CNOT6L: variants seen among roughly 807,000 people sequenced by gnomAD.
CNOT6L encodes the protein CCR4-NOT transcription complex subunit 6 like.
A neutral mutation model predicts 64.0 loss-of-function variants in CNOT6L; 7 were observed. That is an observed-to-expected ratio of 0.11 (90% confidence interval 0.06 to 0.21). The LOEUF (loss-of-function observed/expected upper bound fraction) is 0.21, where lower values mean the gene tolerates loss of function less well. CNOT6L is among the 10% of genes least tolerant of loss of function. CNOT6L has a pLI of 1.00. For missense variants in CNOT6L, 245 were observed against 669.0 expected, an observed-to-expected ratio of 0.37 and a Z score of 6.99; for synonymous variants, 193 against 243.4, an observed-to-expected ratio of 0.79 and a Z score of 1.93.
At chr4:77,784,715 C>A (rs1214625643) in intron 1 of CNOT6L, among the ~76,000 whole-genome samples, 1 of 152,060 alleles carries the variant, frequency 6.6e-6, no homozygotes, top group Non-Finnish European at 1.5e-5. Flanking sequence ...GAACTCCTGG[C>A]CCAAGTGATC....
chr4:77,805,504 T>G, intron 1 of CNOT6L, among the ~76,000 whole-genome samples: 1 of 152,208 alleles, frequency 6.6e-6, no homozygotes, highest in East Asian at 1.9e-4. Flanking sequence ...ATAATAGTAT[T>G]AGCAGTACCT....
intron 10 of CNOT6L, among the ~76,000 whole-genome samples, chr4:77,728,420 G>A (rs1441446712): frequency 2.0e-5 from 3 of 152,172 alleles, no homozygotes; most frequent in Non-Finnish European, 4.4e-5. Flanking sequence ...TGAAAGGACA[G>A]AAGCAGAGTG....
chr4:77,807,316 G>C (rs1313872632), intron 1 of CNOT6L, among the ~76,000 whole-genome samples: 1 of 146,810 alleles, frequency 6.8e-6, no homozygotes, highest in Non-Finnish European at 1.5e-5. Context: ...AGGCTACAGG[G>C]AGAGGATCTG....
intron 1 of CNOT6L, among the ~76,000 whole-genome samples, chr4:77,788,410 A>C (rs1729703446): frequency 6.6e-6 from 1 of 152,216 alleles, no homozygotes; most frequent in African/African-American, 2.4e-5. Context: ...ATACCTTTTT[A>C]AATGAGAAAG....
In CNOT6L at chr4:77,767,967, G is replaced by A. The variant is rs111910784; in HGVS notation, c.400+5114C>T. On this transcript the variant is annotated intron_variant, in intron 4 of 11. Coordinates refer to ENST00000504123, the MANE Select transcript of CNOT6L (RefSeq NM_144571.3). ...TGTACTCCAGCATGGGCGACAGAGCGAGACTTTGTCCCCAAAAAAAAAAAA... is the reference window on the plus strand; with the variant it reads ...TGTACTCCAGCATGGGCGACAGAGCAAGACTTTGTCCCCAAAAAAAAAAAA... Among the ~76,000 whole-genome samples, 242 of 130,950 alleles carry A rather than the reference G, an allele frequency of 1.8e-3. 1 individual carries two copies. Among genetic ancestry groups the A allele is most frequent in the African/African-American group, 5.6e-3 (197 of 35,012 alleles). The allele number at this position is 130,950 out of a possible 152,430, so 85.9% of individuals were successfully genotyped here. A position where few individuals can be genotyped will look rare whatever the true frequency, so the allele number is the denominator to read the frequency against.
chr4:77,796,436 T>C (rs971801389), intron 1 of CNOT6L, among the ~76,000 whole-genome samples: 1 of 151,910 alleles, frequency 6.6e-6, no homozygotes, highest in Non-Finnish European at 1.5e-5. Context: ...TAGAGATTGT[T>C]GCTTGAAGGG....
At chr4:77,810,516 T>C (rs1345444501) in intron 1 of CNOT6L, among the ~76,000 whole-genome samples, 5 of 152,200 alleles carry the variant, frequency 3.3e-5, no homozygotes, top group Non-Finnish European at 7.4e-5. Context: ...TTTTAAATTT[T>C]TTAATTGGCA....
chr4:77,718,131 C>CTT lies in CNOT6L; in HGVS notation c.*2298_*2299dup, dbSNP rs1393307297. ...TGGTTCATATACAATCATAAGTGAA[C>CTT]TTTAAATTCCATTTTATACAAACAT... On this transcript the variant is annotated 3_prime_UTR_variant, in exon 12 of 12. Coordinates refer to ENST00000504123, the MANE Select transcript of CNOT6L (RefSeq NM_144571.3). 8 of 152,102 alleles carry CTT rather than the reference C, an allele frequency of 5.3e-5. No individual in the cohort carries two copies. The highest frequency in any genetic ancestry group is 7.3e-5 in the African/African-American group (3 of 41,268). The allele number at this position is 152,102 out of a possible 1,614,324, so 9.4% of individuals were successfully genotyped here.
In CNOT6L at chr4:77,748,329, T is replaced by C; in HGVS notation, c.546A>G (p.Gln182=). ...AAAACTATTTACCTGACGGCAGAAT[T>C]TGGTCTCGTTCTTTTAATGTAATCC... is the stretch of plus-strand genomic sequence containing the variant. ...RPWITLKERD[Q]ILPSASFTVM... The change falls in exon 6 of 12, where the codon CAA becomes CAG. Residue 182 remains glutamine (Q), a synonymous_variant. Transcript: ENST00000504123. 1 of 1,610,034 alleles carries C rather than the reference T, an allele frequency of 6.2e-7. No individual in the cohort carries two copies. The highest frequency in any genetic ancestry group is 1.7e-5 in the Admixed American group (1 of 59,928).
chr4:77,794,409 T>TA (rs776303462), intron 1 of CNOT6L, among the ~76,000 whole-genome samples: 22 of 151,282 alleles, frequency 1.5e-4, no homozygotes, highest in Non-Finnish European at 1.8e-4. Flanking sequence ...TCCAGCAATA[T>TA]AAAAAAAAGA....
At chr4:77,812,952 A>T (rs1248783023) in intron 1 of CNOT6L, among the ~76,000 whole-genome samples, 1 of 152,254 alleles carries the variant, frequency 6.6e-6, no homozygotes, top group Non-Finnish European at 1.5e-5. Context: ...AGACCTCTCA[A>T]TTACAAAGCT....
Position 77,774,680 on chromosome 4 carries a change from A to G in CNOT6L, c.164T>C (p.Leu55Ser). 6.2e-7 allele frequency: 1 copy of G among 1,611,930 alleles called. No homozygotes were observed. The highest frequency in any genetic ancestry group is 8.5e-7 in the Non-Finnish European group (1 of 1,178,998). The change falls in exon 3 of 12, where the codon TTG (leucine) becomes TCG (serine). Residue 55 changes from leucine to serine, a missense_variant. Physicochemically the swap from Leu to Ser is moderately radical, Grantham distance 145. Transcript: ENST00000504123. Reference sequence around the variant, plus strand: ...TAGGTGCAGCGCTGTCAAGTGTGTCAATGACCAAAGTGATGTACTTAGGCT... The same window carrying G: ...TAGGTGCAGCGCTGTCAAGTGTGTCGATGACCAAAGTGATGTACTTAGGCT... ...VRSLSTSLWS[L>S]THLTALHLND...
intron 8 of CNOT6L, among the ~76,000 whole-genome samples, chr4:77,738,472 G>A (rs570148245): frequency 2.6e-4 from 39 of 152,176 alleles, no homozygotes; most frequent in African/African-American, 8.4e-4. Context: ...ATGTATCTAC[G>A]GCCAGGCGCG....
At chr4:77,778,840 C>T (rs770638831) in intron 1 of CNOT6L, among the ~76,000 whole-genome samples, 1 of 151,272 alleles carries the variant, frequency 6.6e-6, no homozygotes, top group East Asian at 2.0e-4. Flanking sequence ...GTCAGGAGAT[C>T]GAGACCATCC....
rs1482173910 is a variant in CNOT6L at position 77,719,160 on chromosome 4, G to GC, written c.*1270dup. On this transcript the variant is annotated 3_prime_UTR_variant, in exon 12 of 12. Transcript: ENST00000504123. ...CCCAGAAAACAGTATTCTGTTCACT[G>GC]CCTCTTGAGTCACAGATTTTCAACT... is the stretch of plus-strand genomic sequence containing the variant. 6.6e-6 allele frequency: 1 copy of GC among 152,558 alleles called. No individual in the cohort carries two copies. The highest frequency in any genetic ancestry group is 2.4e-5 in the African/African-American group (1 of 41,422). 9.5% of individuals were successfully genotyped at this position (152,558 alleles called of 1,614,324 possible).
chr4:77,744,910 G>C, intron 6 of CNOT6L, 35 bp from the exon 7 acceptor site: 2 of 1,565,512 alleles, frequency 1.3e-6, no homozygotes, highest in South Asian at 1.2e-5. Flanking sequence ...AGACAAACGG[G>C]AGAAAATTAG....
chr4:77,768,909 T>A (rs1038851143), intron 4 of CNOT6L, among the ~76,000 whole-genome samples: 4 of 152,166 alleles, frequency 2.6e-5, no homozygotes, highest in Non-Finnish European at 5.9e-5. Flanking sequence ...AACCTAAGGA[T>A]GTACAGACCT....
At chr4:77,753,745 T>C (rs191310779) in intron 5 of CNOT6L, among the ~76,000 whole-genome samples, 3 of 151,986 alleles carry the variant, frequency 2.0e-5, no homozygotes, top group Non-Finnish European at 2.9e-5. Context: ...AAAAAGATAA[T>C]AATTTATCAT....
At chr4:77,770,529 T>G (rs1040935821) in intron 4 of CNOT6L, among the ~76,000 whole-genome samples, 2 of 152,210 alleles carry the variant, frequency 1.3e-5, no homozygotes, top group Non-Finnish European at 2.9e-5. Flanking sequence ...GAGATCTGGT[T>G]TTCTGGATCA....
Sources: allele counts gnomAD v4.1 joint callset (sites outside exome capture counted in the v4.1 genomes callset), GRCh38; gene constraint gnomAD v4.1.1; transcripts MANE v1.5; gene names NCBI Gene and HGNC (gene_info 2026-07-23, HGNC 2026-07-21).